The following USP42 variants were observed in gnomAD, a reference collection of about 807,000 sequenced individuals.
The protein encoded by USP42 is ubiquitin carboxyl-terminal hydrolase 42.
USP42 carries 23 observed loss-of-function variants against 113.0 expected under a neutral mutation model. The ratio of observed to expected loss-of-function variants is 0.20; its 90% CI spans 0.15 to 0.29. The LOEUF (loss-of-function observed/expected upper bound fraction) is 0.29. Ranked by LOEUF, USP42 falls within the 10% of genes least tolerant of loss-of-function variation. USP42 has a pLI of 1.00. For missense variants in USP42, 2,174 were observed against 1,779.8 expected (o/e 1.22, Z -3.99); for synonymous variants, 933 against 699.0 (o/e 1.33, Z -5.28).
chr7:6,087,519 T>C, the USP42 span, among the ~76,000 whole-genome samples: 2 of 149,670 alleles, frequency 1.3e-5, no homozygotes, highest in South Asian at 4.2e-4. Flanking sequence ...AAATTTTTTG[T>C]AGAGATGGGG....
chr7:6,113,146 C>T (rs867805646), intron 2 of USP42, among the ~76,000 whole-genome samples: 7 of 152,092 alleles, frequency 4.6e-5, no homozygotes, highest in South Asian at 4.2e-4. Flanking sequence ...CCACCCGCCT[C>T]GGCCTCCCAG....
Position 6,159,170 on chromosome 7 carries a change from C to T in USP42, c.3944-280C>T, listed in dbSNP as rs1223297965. ...AAACTCCTCCTCTGGCTCTGTTCCGCCCAGTTCAGTTCTTGGGCCTGATAT... is the reference window on the plus strand; with the variant it reads ...AAACTCCTCCTCTGGCTCTGTTCCGTCCAGTTCAGTTCTTGGGCCTGATAT... On this transcript the variant is annotated intron_variant, in intron 16 of 17. Coordinates refer to ENST00000306177, the MANE Select transcript of USP42 (RefSeq NM_032172.3). The surrounding 1 kb of genome is among the most constrained non-coding windows in gnomAD (Gnocchi z 4.1). 1.3e-5 allele frequency among the ~76,000 whole-genome samples: 2 copies of T among 152,320 alleles called. No individual in the cohort carries two copies. Among genetic ancestry groups the T allele is most frequent in the Admixed American group, 6.5e-5 (1 of 15,302 alleles).
chr7:6,111,023 C>A, intron 1 of USP42, 102 bp from the exon 2 acceptor site: 1 of 1,238,456 alleles, frequency 8.1e-7, no homozygotes, highest in Non-Finnish European at 1.1e-6. Context: ...GTTTGAAAAT[C>A]ACTTTAAAAT....
intron 1 of USP42, among the ~76,000 whole-genome samples, chr7:6,106,574 T>C (rs1437003926): frequency 6.6e-6 from 1 of 152,180 alleles, no homozygotes; most frequent in South Asian, 2.1e-4. Flanking sequence ...ATGTTCATGT[T>C]GTTTTTTTGA....
At chr7:6,120,052 G>C (rs180981494) in intron 3 of USP42, among the ~76,000 whole-genome samples, 6 of 152,080 alleles carry the variant, frequency 3.9e-5, no homozygotes, top group African/African-American at 1.4e-4. Context: ...TGCAACCTAC[G>C]CCCCCGGGTT....
At chr7:6,147,933 T>C (rs745611914) in intron 12 of USP42, 41 bp downstream of exon 12, 22 of 1,555,802 alleles carry the variant, frequency 1.4e-5, no homozygotes, top group Non-Finnish European at 1.8e-5. Flanking sequence ...ATGTTAATTT[T>C]TAAAATGTAA....
At chr7:6,124,839 G>T (rs1780438323) in intron 3 of USP42, among the ~76,000 whole-genome samples, 1 of 151,126 alleles carries the variant, frequency 6.6e-6, no homozygotes, top group South Asian at 2.1e-4. Context: ...TTTCATGGTG[G>T]TTACTTTAGG....
At chr7:6,089,825 C>T in the USP42 span, among the ~76,000 whole-genome samples, 3 of 150,760 alleles carry the variant, frequency 2.0e-5, no homozygotes, top group African/African-American at 7.5e-5. Context: ...GCTACCGCGC[C>T]CAGCCTCTTC....
chr7:6,152,970 G>A, intron 14 of USP42: 3 of 985,278 alleles, frequency 3.0e-6, no homozygotes, highest in Non-Finnish European at 3.6e-6. Context: ...TAGTTATTAG[G>A]AAGAACTAGA....
chr7:6,120,817 C>G (rs1270230906), intron 3 of USP42, among the ~76,000 whole-genome samples: 1 of 152,098 alleles, frequency 6.6e-6, no homozygotes, highest in Non-Finnish European at 1.5e-5. Context: ...CTCCTGGCCT[C>G]AAATGATCCA....
At chr7:6,152,658 C>T (rs1782140765) in intron 14 of USP42, among the ~76,000 whole-genome samples, 1 of 152,202 alleles carries the variant, frequency 6.6e-6, no homozygotes, top group Non-Finnish European at 1.5e-5. Flanking sequence ...CTGGCCTCAC[C>T]TAGGCCAGGT....
Position 6,153,752 on chromosome 7 carries a change from G to T in USP42, c.2202-4G>T. On this transcript the variant is annotated splice_region_variant and splice_polypyrimidine_tract_variant and intron_variant, in intron 14 of 17. Coordinates refer to ENST00000306177, the MANE Select transcript of USP42 (RefSeq NM_032172.3). ...GGGCGTGTTTGTTTGTTTGGGGGCT[G>T]CAGTGCACCTGGAGCAGAGAGGGGC... 1 of 1,450,634 alleles carries T rather than the reference G, an allele frequency of 6.9e-7. No individual in the cohort carries two copies. Among genetic ancestry groups the T allele is most frequent in the South Asian group, 1.4e-5 (1 of 69,638 alleles). The allele number at this position is 1,450,634 out of a possible 1,614,324, so 89.9% of individuals were successfully genotyped here. A position where few individuals can be genotyped will look rare whatever the true frequency, so the allele number is the denominator to read the frequency against.
rs1291212560 is a variant in USP42, at chr7:6,140,185, A to G, written c.714A>G (p.Leu238=). 1 of 1,613,662 alleles carries G rather than the reference A, an allele frequency of 6.2e-7. No individual in the cohort carries two copies. The highest frequency in any genetic ancestry group is 8.5e-7 in the Non-Finnish European group (1 of 1,179,566). Reference sequence around the variant, plus strand: ...TTTGTCAGATATTTGGAGGATACCTAAGATCTAGAGGTAAGCTTTTGCTTA... The same window carrying G: ...TTTGTCAGATATTTGGAGGATACCTGAGATCTAGAGGTAAGCTTTTGCTTA... The part of the protein sequence containing the change: ...TLVCQIFGGY[L]RSRVKCLNCK... Residue 238 remains leucine (L), a synonymous_variant, in exon 6 of 18, where the codon CTA becomes CTG. Coordinates refer to ENST00000306177, the MANE Select transcript of USP42 (RefSeq NM_032172.3).
chr7:6,104,634 A>C (rs1240264788), upstream of USP42, among the ~76,000 whole-genome samples: 2 of 152,112 alleles, frequency 1.3e-5, no homozygotes, highest in Non-Finnish European at 2.9e-5. Context: ...CTGCCCAGGG[A>C]AGCACAGGGC....
In USP42 at chr7:6,154,259, C is replaced by T. The variant is rs771624040; in HGVS notation, c.2705C>T (p.Pro902Leu). The T allele has an allele frequency of 3.8e-5, 61 of 1,604,116 alleles. No individual in the cohort carries two copies. The highest frequency in any genetic ancestry group is 5.2e-5 in the Non-Finnish European group (61 of 1,176,700). Residue 902 changes from proline to leucine, a missense_variant, in exon 15 of 18, where the codon CCT becomes CTT. Pro to Leu is a moderately conservative substitution (Grantham distance 98). Transcript: ENST00000306177. The stretch of plus-strand genomic sequence containing the variant: ...GAGGCCGCAGAGCGGCCGCCAGCTC[C>T]TGTGCTGGACATGGCCCCGGCCGGT... ...APEAAERPPA[P>L]VLDMAPAGHP...
chr7:6,096,868 G>A, the USP42 span, among the ~76,000 whole-genome samples: 2 of 150,828 alleles, frequency 1.3e-5, no homozygotes, highest in South Asian at 4.1e-4. Context: ...CTTCTGCTGC[G>A]TAAGCACTGC....
rs374262203 is a variant in USP42, at chr7:6,149,765, A to G, written c.1569A>G (p.Thr523=). 8.7e-6 allele frequency: 14 copies of G among 1,613,990 alleles called. No homozygotes were observed. Among genetic ancestry groups the G allele is most frequent in the Non-Finnish European group, 1.1e-5 (13 of 1,179,894 alleles). ...IPEHPKKQKI[T]ISIHNKLPVR... ...AACATCCTAAGAAACAAAAAATTAC[A>G]ATCAGTATTCACAACAAGTTGCCTG... Residue 523 remains threonine (T), a synonymous_variant, in exon 13 of 18, where the codon ACA becomes ACG. Transcript: ENST00000306177.
the USP42 span, among the ~76,000 whole-genome samples, chr7:6,098,571 G>C: frequency 2.3e-4 from 35 of 150,222 alleles, 3 homozygotes; most frequent in African/African-American, 8.4e-4. Flanking sequence ...TCTTGAGACA[G>C]AGTCTCACTC....
intron 2 of USP42, among the ~76,000 whole-genome samples, chr7:6,113,672 A>G (rs1779724660): frequency 6.6e-6 from 1 of 151,534 alleles, no homozygotes; most frequent in South Asian, 2.1e-4. Flanking sequence ...CCCAGGCTGG[A>G]GAGCAGTGTT....
Sources: allele counts gnomAD v4.1 joint callset (sites outside exome capture counted in the v4.1 genomes callset), GRCh38; gene constraint gnomAD v4.1.1; non-coding constraint Gnocchi (gnomAD v3.1); transcripts MANE v1.5; gene names NCBI Gene and HGNC (gene_info 2026-07-23, HGNC 2026-07-21).